The following NAV2 variants were observed in gnomAD, a reference collection of about 807,000 sequenced individuals.
The protein encoded by NAV2 is neuron navigator 2, also known as helicase, APC down-regulated 1.
A neutral mutation model predicts 223.2 loss-of-function variants in NAV2; 54 were observed. The observed-to-expected ratio is 0.24, with a 90% confidence interval of 0.19 to 0.30. The LOEUF (loss-of-function observed/expected upper bound fraction) is 0.30, where lower values mean the gene tolerates loss of function less well. Ranked by LOEUF, NAV2 falls within the 10% of genes least tolerant of loss-of-function variation. NAV2 has a pLI of 1.00. For synonymous variants in NAV2, 1,279 were observed against 1,239.3 expected (o/e 1.03, Z -0.67); for missense variants, 2,806 against 3,147.5 (o/e 0.89, Z 2.60).
upstream of NAV2, among the ~76,000 whole-genome samples, chr11:19,347,413 C>T (rs1241629373): frequency 1.3e-5 from 2 of 152,136 alleles, no homozygotes; most frequent in African/African-American, 4.8e-5. Context: ...AACCTCCGTC[C>T]CACCCAACCT....
intron 18 of NAV2, 89 bp from the exon 19 acceptor site, chr11:20,055,679 TA>T: frequency 8.3e-7 from 1 of 1,202,100 alleles, no homozygotes; most frequent in Non-Finnish European, 1.2e-6. Flanking sequence ...CACATGTGGC[TA>T]AAAATAAGCA....
At chr11:19,574,814 G>A (rs537782059) in intron 1 of NAV2, among the ~76,000 whole-genome samples, 1 of 152,312 alleles carries the variant, frequency 6.6e-6, no homozygotes, top group Admixed American at 6.5e-5. Context: ...TGATGAGTGT[G>A]GGGAGAATAG....
chr11:19,584,192 G>C (rs1038345746), intron 1 of NAV2, among the ~76,000 whole-genome samples: 2 of 152,044 alleles, frequency 1.3e-5, no homozygotes, highest in Non-Finnish European at 2.9e-5. Flanking sequence ...TTCTCTGATG[G>C]TTTTTTGTAT....
At chr11:19,750,005 A>G (rs188822174) in intron 1 of NAV2, among the ~76,000 whole-genome samples, 1 of 152,336 alleles carries the variant, frequency 6.6e-6, no homozygotes, top group East Asian at 1.9e-4. Context: ...TGTACTTCAA[A>G]GGGATTCTAA....
At chr11:19,898,554 C>T (rs192759901) in intron 6 of NAV2, among the ~76,000 whole-genome samples, 56 of 152,264 alleles carry the variant, frequency 3.7e-4, no homozygotes, top group Admixed American at 1.6e-3. Context: ...ACATAATATT[C>T]CATTGTATGG....
At chr11:19,914,495 G>A (rs565222604) in intron 6 of NAV2, among the ~76,000 whole-genome samples, 1 of 152,030 alleles carries the variant, frequency 6.6e-6, no homozygotes, top group South Asian at 2.1e-4. Context: ...GGGGTTATAC[G>A]ATTGCAATAC....
intron 10 of NAV2, among the ~76,000 whole-genome samples, chr11:19,961,520 G>C (rs1201147712): frequency 1.3e-5 from 2 of 152,204 alleles, no homozygotes; most frequent in African/African-American, 4.8e-5. Context: ...CTTAAGTTTT[G>C]TTGGGACCTC....
At chr11:19,397,208 G>T (rs1258540072) in intron 1 of NAV2, among the ~76,000 whole-genome samples, 1 of 152,186 alleles carries the variant, frequency 6.6e-6, no homozygotes, top group South Asian at 2.1e-4. Context: ...CTGTCAAAAG[G>T]ATTAAACTAG....
chr11:19,800,476 C>T (rs994748938), intron 1 of NAV2, among the ~76,000 whole-genome samples: 1 of 151,608 alleles, frequency 6.6e-6, no homozygotes, highest in Non-Finnish European at 1.5e-5. Flanking sequence ...TAAAATAATT[C>T]TTCTTCCCAT....
intron 36 of NAV2, among the ~76,000 whole-genome samples, chr11:20,112,567 G>A (rs1275898004): frequency 1.3e-5 from 2 of 152,200 alleles, no homozygotes; most frequent in South Asian, 2.1e-4. Context: ...CAGGGACAAT[G>A]AGCCCAGCAG....
chr11:19,631,055 C>T (rs1368794950), intron 1 of NAV2, among the ~76,000 whole-genome samples: 1 of 148,780 alleles, frequency 6.7e-6, no homozygotes, highest in Non-Finnish European at 1.5e-5. Flanking sequence ...CAAAAATGGC[C>T]TGAATTGCCC....
At chr11:19,816,860 G>A (rs11025265) in intron 1 of NAV2, among the ~76,000 whole-genome samples, 80,428 of 151,850 alleles carry the variant, frequency 0.53, 22,950 homozygotes, top group Non-Finnish European at 0.66. Flanking sequence ...AGGCCCTTCC[G>A]CCTCCCTCTT....
chr11:19,957,214 T>A (rs2047953114), intron 10 of NAV2, among the ~76,000 whole-genome samples: 1 of 152,216 alleles, frequency 6.6e-6, no homozygotes, highest in Admixed American at 6.5e-5. Flanking sequence ...CTGGGCCAGA[T>A]CCTGTCTAGG....
At chr11:20,000,011 A>G (rs1269143939) in intron 11 of NAV2, among the ~76,000 whole-genome samples, 2 of 152,174 alleles carry the variant, frequency 1.3e-5, no homozygotes, top group African/African-American at 4.8e-5. Flanking sequence ...TGTCACCTCC[A>G]TGGTGCAGTG....
chr11:19,491,499 T>G (rs962615543), intron 1 of NAV2, among the ~76,000 whole-genome samples: 1 of 152,194 alleles, frequency 6.6e-6, no homozygotes, highest in African/African-American at 2.4e-5. Context: ...TGAACCAACC[T>G]CTACTAGCTT....
At chr11:19,408,548 C>T (rs1850000628) in intron 1 of NAV2, among the ~76,000 whole-genome samples, 1 of 152,220 alleles carries the variant, frequency 6.6e-6, no homozygotes, top group South Asian at 2.1e-4. Flanking sequence ...ACTCATTACC[C>T]TCCATCCTCA....
intron 1 of NAV2, among the ~76,000 whole-genome samples, chr11:19,519,196 T>C (rs2043562475): frequency 1.3e-5 from 2 of 152,202 alleles, no homozygotes; most frequent in Non-Finnish European, 2.9e-5. Context: ...CATAATTCGT[T>C]CCCAAAATCT....
chr11:19,420,008 T>C (rs1360328512), intron 1 of NAV2, among the ~76,000 whole-genome samples: 1 of 152,176 alleles, frequency 6.6e-6, no homozygotes, highest in Admixed American at 6.5e-5. Flanking sequence ...ATTGCATCAG[T>C]AGCTGGAGAG....
chr11:19,771,239 A>G (rs1343446523), intron 1 of NAV2, among the ~76,000 whole-genome samples: 1 of 152,350 alleles, frequency 6.6e-6, no homozygotes, highest in South Asian at 2.1e-4. Flanking sequence ...GCTTACATCC[A>G]TAACAACAAA....
Sources: allele counts gnomAD v4.1 joint callset (sites outside exome capture counted in the v4.1 genomes callset), GRCh38; gene constraint gnomAD v4.1.1; transcripts MANE v1.5; gene names NCBI Gene and HGNC (gene_info 2026-07-23, HGNC 2026-07-21).